CADPS: variants seen among roughly 807,000 people sequenced by gnomAD.
The protein encoded by CADPS is calcium dependent secretion activator.
CADPS carries 57 observed loss-of-function variants against 167.3 expected under a neutral mutation model. The observed-to-expected ratio is 0.34, with a 90% CI of 0.28 to 0.42. The LOEUF (loss-of-function observed/expected upper bound fraction) is 0.42. CADPS is among the 20% of genes least tolerant of loss of function. The pLI is 1.00. For synonymous variants in CADPS, 676 were observed against 635.3 expected, an observed-to-expected ratio of 1.06 and a Z score of -0.96; for missense variants, 1,414 against 1,738.1, an observed-to-expected ratio of 0.81 and a Z score of 3.32.
intron 1 of CADPS, among the ~76,000 whole-genome samples, chr3:62,804,962 A>T (rs1445012525): frequency 6.6e-6 from 1 of 152,140 alleles, no homozygotes; most frequent in Non-Finnish European, 1.5e-5. Context: ...CAAGAAATAT[A>T]GAGGCCCAAG....
intron 6 of CADPS, among the ~76,000 whole-genome samples, chr3:62,637,190 GT>G (rs2066471242): frequency 6.6e-6 from 1 of 152,076 alleles, no homozygotes; most frequent in Non-Finnish European, 1.5e-5. Flanking sequence ...GTTGTGTCTT[GT>G]CTCTCTTTCA....
At chr3:62,664,825 C>T (rs990896027) in intron 3 of CADPS, among the ~76,000 whole-genome samples, 2 of 152,208 alleles carry the variant, frequency 1.3e-5, no homozygotes, top group Non-Finnish European at 2.9e-5. Flanking sequence ...GGTTCTCCCA[C>T]TGGCTTCATA....
chr3:62,786,273 T>C (rs1276750841), intron 1 of CADPS, among the ~76,000 whole-genome samples: 1 of 151,952 alleles, frequency 6.6e-6, no homozygotes, highest in African/African-American at 2.4e-5. Flanking sequence ...AAAAAAAGGA[T>C]GTTATGCAGA....
intron 8 of CADPS, among the ~76,000 whole-genome samples, chr3:62,577,004 C>T (rs1223495535): frequency 7.9e-5 from 12 of 151,464 alleles, no homozygotes; most frequent in Admixed American, 5.3e-4. Context: ...TCACTGGGGA[C>T]GTTTTAGTTA....
rs116003272 is a variant in CADPS, at chr3:62,534,235, G to A, written c.2104-1177C>T. Among the ~76,000 whole-genome samples the A allele has an allele frequency of 3.2e-3, 494 of 152,286 alleles. 4 individuals are homozygous for A. The highest frequency in any genetic ancestry group is 0.011 in the African/African-American group (469 of 41,572). On this transcript the variant is annotated intron_variant, in intron 12 of 29. Coordinates refer to ENST00000383710, the MANE Select transcript of CADPS (RefSeq NM_003716.4). ...TAATTTTACTTTGAGGGTCTTCTCT[G>A]AGTCATCTTTTGAATATTGCTCCAT...
Position 62,753,841 on chromosome 3 carries a change from T to C in CADPS, c.556-68A>G. On this transcript the variant is annotated intron_variant, in intron 2 of 29. Transcript: ENST00000383710. The surrounding 1 kb of genome is among the most constrained non-coding windows in gnomAD (Gnocchi z 4.6). ...CACAGAGGTACCAGTTCCCTGGGGC[T>C]GGACACTGGGCCAGTCCACCTCACG... is the stretch of plus-strand genomic sequence containing the variant. 1 of 1,443,728 alleles carries C rather than the reference T, an allele frequency of 6.9e-7. No individual in the cohort carries two copies. The highest frequency in any genetic ancestry group is 9.4e-7 in the Non-Finnish European group (1 of 1,063,230). The allele number at this position is 1,443,728 out of a possible 1,614,324, so 89.4% of individuals were successfully genotyped here.
chr3:62,429,133 G>A (rs183635426), intron 28 of CADPS, among the ~76,000 whole-genome samples: 3 of 151,170 alleles, frequency 2.0e-5, no homozygotes, highest in East Asian at 1.9e-4. Context: ...CTTTTGTTTC[G>A]TGTGTGTGTA....
chr3:62,587,392 C>T (rs1207920479), intron 7 of CADPS, among the ~76,000 whole-genome samples: 3 of 152,164 alleles, frequency 2.0e-5, no homozygotes, highest in Non-Finnish European at 1.5e-5. Context: ...TACACGTCAC[C>T]CTGTATCATG....
rs1179238101 is a variant in CADPS at position 62,544,279 on chromosome 3, T to C, written c.1966+5624A>G. Among the ~76,000 whole-genome samples the C allele has an allele frequency of 1.3e-5, 2 of 152,160 alleles. No individual in the cohort carries two copies. The highest frequency in any genetic ancestry group is 2.9e-5 in the Non-Finnish European group (2 of 68,010). ...ACTCTTTAGTGTTCAAATAATGCAT[T>C]TGCTTTCTTAATTGTATTTTGCAAT... is the stretch of plus-strand genomic sequence containing the variant. On this transcript the variant is annotated intron_variant, in intron 11 of 29. Transcript: ENST00000383710. The surrounding 1 kb of genome is among the most constrained non-coding windows in gnomAD (Gnocchi z 4.4).
intron 28 of CADPS, among the ~76,000 whole-genome samples, chr3:62,415,984 G>GT (rs1285422315): frequency 2.3e-4 from 35 of 150,134 alleles, no homozygotes; most frequent in Non-Finnish European, 4.8e-4. Flanking sequence ...TTTTTCCCTC[G>GT]TCATTCAAAA....
chr3:62,610,797 T>G (rs1006006863), intron 6 of CADPS, among the ~76,000 whole-genome samples: 1 of 151,894 alleles, frequency 6.6e-6, no homozygotes, highest in Non-Finnish European at 1.5e-5. Flanking sequence ...TTGCTGATTT[T>G]CCTCATCTCC....
At chr3:62,554,019 C>T (rs986133565) in intron 10 of CADPS, among the ~76,000 whole-genome samples, 1 of 152,214 alleles carries the variant, frequency 6.6e-6, no homozygotes, top group African/African-American at 2.4e-5. Context: ...AGGAATTGCA[C>T]TTCCAACAAC....
chr3:62,492,951 T>C (rs1189165871), intron 19 of CADPS, among the ~76,000 whole-genome samples: 1 of 152,228 alleles, frequency 6.6e-6, no homozygotes, highest in Non-Finnish European at 1.5e-5. Flanking sequence ...ACATTGGAAA[T>C]GTTACTCCTA....
At chr3:62,724,136 C>T (rs1243331844) in intron 3 of CADPS, among the ~76,000 whole-genome samples, 3 of 152,208 alleles carry the variant, frequency 2.0e-5, no homozygotes, top group Non-Finnish European at 2.9e-5. Context: ...AAAATAGAAA[C>T]AGGGATGATG....
chr3:62,844,681 T>A (rs1377883392), intron 1 of CADPS, among the ~76,000 whole-genome samples: 3 of 152,160 alleles, frequency 2.0e-5, no homozygotes, highest in Non-Finnish European at 4.4e-5. Flanking sequence ...GACTTAAAGA[T>A]CTCAGTGCAG....
chr3:62,561,076 C>G (rs1409971705), intron 9 of CADPS, among the ~76,000 whole-genome samples: 9 of 41,718 alleles, frequency 2.2e-4, no homozygotes, highest in African/African-American at 8.4e-4. Context: ...GAAACTCCAT[C>G]TCAAAAAAAA....
chr3:62,723,178 A>G (rs2076126713), intron 3 of CADPS, among the ~76,000 whole-genome samples: 1 of 152,192 alleles, frequency 6.6e-6, no homozygotes, highest in East Asian at 1.9e-4. Flanking sequence ...ACAAGGGAAA[A>G]GTACAGTGCC....
At chr3:62,414,562 G>A (rs983257771) in intron 28 of CADPS, among the ~76,000 whole-genome samples, 3 of 152,210 alleles carry the variant, frequency 2.0e-5, no homozygotes, top group Non-Finnish European at 4.4e-5. Flanking sequence ...GCCCCACTGA[G>A]GAGCATTTAT....
Position 62,481,653 on chromosome 3 carries a change from A to C in CADPS, c.3173+70T>G, listed in dbSNP as rs78855434. 2.6e-3 allele frequency: 3,602 copies of C among 1,371,734 alleles called. 119 individuals are homozygous for C. In the East Asian group the frequency reaches 0.072, roughly 27 times the overall value. 85.0% of individuals were successfully genotyped at this position (1,371,734 alleles called of 1,614,324 possible). ...ATCTCTGTTATATAGGATGTATAGA[A>C]ATAAACAATACATATCCATGCCAAG... On this transcript the variant is annotated intron_variant, in intron 22 of 29. Coordinates refer to ENST00000383710, the MANE Select transcript of CADPS (RefSeq NM_003716.4).
Sources: allele counts gnomAD v4.1 joint callset (sites outside exome capture counted in the v4.1 genomes callset), GRCh38; gene constraint gnomAD v4.1.1; non-coding constraint Gnocchi (gnomAD v3.1); transcripts MANE v1.5; gene names NCBI Gene and HGNC (gene_info 2026-07-23, HGNC 2026-07-21).